Variants in HIVEP3 observed in about 807,000 individuals in gnomAD.
HIVEP3 encodes the protein HIVEP zinc finger 3, also known as transcription factor HIVEP3.
Under a neutral mutation model 152.8 loss-of-function variants are expected in HIVEP3, and 49 were observed. The observed-to-expected ratio is 0.32, with a 90% CI of 0.26 to 0.41. The LOEUF (loss-of-function observed/expected upper bound fraction) is 0.41, where lower values mean the gene tolerates loss of function less well. Ranked by LOEUF, HIVEP3 falls within the 10% of genes least tolerant of loss-of-function variation. The pLI is 1.00. For missense variants in HIVEP3, 2,790 were observed against 3,103.3 expected, an observed-to-expected ratio of 0.90 and a Z score of 2.40; for synonymous variants, 1,269 against 1,289.0, an observed-to-expected ratio of 0.98 and a Z score of 0.33.
intron 1 of HIVEP3, among the ~76,000 whole-genome samples, chr1:41,975,547 T>G (rs1645254547): frequency 6.6e-6 from 1 of 152,262 alleles, no homozygotes; most frequent in South Asian, 2.1e-4. Context: ...ATGAATCTGG[T>G]TTGAATTACA....
chr1:41,653,319 C>T lies in HIVEP3; in HGVS notation c.-720-24372G>A, dbSNP rs185025499. 3.9e-5 allele frequency among the ~76,000 whole-genome samples: 6 copies of T among 152,112 alleles called. No homozygotes were observed. In the East Asian group the frequency reaches 1.2e-3, roughly 29 times the overall value. ...AAGCTGCACACAGTACCCACCTCTACACACACACTCACATTCACAACCCTC... is the reference window on the plus strand; with the variant it reads ...AAGCTGCACACAGTACCCACCTCTATACACACACTCACATTCACAACCCTC... On this transcript the variant is annotated intron_variant, in intron 2 of 8. Transcript: ENST00000372583.
chr1:41,852,683 T>A lies in HIVEP3; in HGVS notation c.-801+65730A>T, dbSNP rs139023945. Among the ~76,000 whole-genome samples, 717 of 152,324 alleles carry A rather than the reference T, an allele frequency of 4.7e-3. 3 individuals are homozygous for A. The highest frequency in any genetic ancestry group is 0.016 in the African/African-American group (680 of 41,572). The stretch of plus-strand genomic sequence containing the variant: ...ACTGCCAATTTCTCATTGACCAAAC[T>A]TTAATGTTCCAGGCAACGAGGCTCT... On this transcript the variant is annotated intron_variant, in intron 1 of 8. Transcript: ENST00000372583.
chr1:41,754,851 A>G lies in HIVEP3; in HGVS notation c.-800-53856T>C, dbSNP rs144713035. Among the ~76,000 whole-genome samples, 112 of 152,348 alleles carry G rather than the reference A, an allele frequency of 7.4e-4. 1 individual carries two copies. In the East Asian group the frequency reaches 0.017, roughly 23 times the overall value. On this transcript the variant is annotated intron_variant, in intron 1 of 8. Coordinates refer to ENST00000372583, the MANE Select transcript of HIVEP3 (RefSeq NM_024503.5). Reference sequence around the variant, plus strand: ...AGATAGGCAAAGATTTTTTAAAATGATAACAGCCGGGGTTGGTGTGGGTGT... The same window carrying G: ...AGATAGGCAAAGATTTTTTAAAATGGTAACAGCCGGGGTTGGTGTGGGTGT...
At chr1:41,549,026 C>T (rs150276523) in intron 5 of HIVEP3, among the ~76,000 whole-genome samples, 1 of 150,846 alleles carries the variant, frequency 6.6e-6, no homozygotes, top group African/African-American at 2.4e-5. Flanking sequence ...CCTCCCCCTG[C>T]CCCCCACCCC....
chr1:41,912,200 T>C (rs1644807044), intron 1 of HIVEP3, among the ~76,000 whole-genome samples: 1 of 152,082 alleles, frequency 6.6e-6, no homozygotes, highest in South Asian at 2.1e-4. Context: ...AGGAATGGGA[T>C]AGGGTGGAGG....
intron 2 of HIVEP3, among the ~76,000 whole-genome samples, chr1:41,637,187 CAT>C (rs1306421210): frequency 6.6e-6 from 1 of 152,180 alleles, no homozygotes; most frequent in Non-Finnish European, 1.5e-5. Flanking sequence ...CATACACACA[CAT>C]GCACACATAG....
chr1:41,588,777 A>G (rs1024209460), intron 3 of HIVEP3, among the ~76,000 whole-genome samples: 3 of 152,150 alleles, frequency 2.0e-5, no homozygotes, highest in African/African-American at 7.2e-5. Context: ...ATTCTGCACA[A>G]CAGGCATCTG....
chr1:41,825,192 C>T (rs566591339), intron 1 of HIVEP3, among the ~76,000 whole-genome samples: 8 of 151,936 alleles, frequency 5.3e-5, no homozygotes, highest in Admixed American at 1.3e-4. Flanking sequence ...GCAATTTTTG[C>T]GGGTAGGGGG....
chr1:41,948,786 G>A (rs1645089137), intron 1 of HIVEP3, among the ~76,000 whole-genome samples: 1 of 151,060 alleles, frequency 6.6e-6, no homozygotes, highest in Non-Finnish European at 1.5e-5. Context: ...GGCATTGATA[G>A]CACCCATCAG....
rs1310206783 is a variant in HIVEP3 at position 41,671,324 on chromosome 1, C to T, written c.-721+29592G>A. On this transcript the variant is annotated intron_variant, in intron 2 of 8. Coordinates refer to ENST00000372583, the MANE Select transcript of HIVEP3 (RefSeq NM_024503.5). Reference sequence around the variant, plus strand: ...ATCCGCTCCGAAGCCTAGATGAAGTCGCAGTTAGCAGCCTAATTTTAGACT... The same window carrying T: ...ATCCGCTCCGAAGCCTAGATGAAGTTGCAGTTAGCAGCCTAATTTTAGACT... Among the ~76,000 whole-genome samples the T allele has an allele frequency of 3.3e-5, 5 of 152,354 alleles. No individual in the cohort carries two copies. In the South Asian group the frequency reaches 6.2e-4, roughly 19 times the overall value.
At chr1:41,642,731 A>G (rs899229375) in intron 2 of HIVEP3, among the ~76,000 whole-genome samples, 2 of 152,212 alleles carry the variant, frequency 1.3e-5, no homozygotes, top group African/African-American at 4.8e-5. Context: ...CTCTCAATTT[A>G]CTAACCCCGT....
At chr1:41,874,574 ACCACCTCCCTCACCGTGG>A (rs1274507222) in intron 1 of HIVEP3, among the ~76,000 whole-genome samples, 1 of 151,968 alleles carries the variant, frequency 6.6e-6, no homozygotes, top group African/African-American at 2.4e-5. Context: ...CAAACTCACC[ACCACCTCCCTCACCGTGG>A]CCTCTCTGTT....
chr1:41,750,736 T>C (rs1235255920), intron 1 of HIVEP3, among the ~76,000 whole-genome samples: 1 of 151,122 alleles, frequency 6.6e-6, no homozygotes, highest in Non-Finnish European at 1.5e-5. Context: ...TCTCGCTCTG[T>C]CGCCCAGGCT....
chr1:41,935,616 C>T (rs1450552297), intron 1 of HIVEP3, among the ~76,000 whole-genome samples: 1 of 151,430 alleles, frequency 6.6e-6, no homozygotes, highest in Non-Finnish European at 1.5e-5. Flanking sequence ...CTCTCTCACT[C>T]TCTCTCTGTA....
At chr1:41,609,598 C>T (rs1644869860) in intron 3 of HIVEP3, among the ~76,000 whole-genome samples, 1 of 152,250 alleles carries the variant, frequency 6.6e-6, no homozygotes, top group Non-Finnish European at 1.5e-5. Flanking sequence ...TGTCTCCAAT[C>T]CATAATGACA....
chr1:41,644,476 G>T (rs1205980514), intron 2 of HIVEP3, among the ~76,000 whole-genome samples: 2 of 152,190 alleles, frequency 1.3e-5, no homozygotes, highest in African/African-American at 4.8e-5. Context: ...CTGTCAGGAG[G>T]TTGATTTCTT....
intron 1 of HIVEP3, among the ~76,000 whole-genome samples, chr1:41,781,005 A>G (rs554580545): frequency 2.0e-5 from 3 of 152,324 alleles, no homozygotes; most frequent in Admixed American, 6.5e-5. Context: ...ATTGTTCGTG[A>G]TTTTGTTAAC....
chr1:41,538,454 T>C (rs1465858092), intron 5 of HIVEP3, among the ~76,000 whole-genome samples: 1 of 152,200 alleles, frequency 6.6e-6, no homozygotes, highest in Non-Finnish European at 1.5e-5. Context: ...TTTTGCAGGC[T>C]TGCTACCTAC....
intron 1 of HIVEP3, among the ~76,000 whole-genome samples, chr1:41,769,338 T>C (rs1039983677): frequency 6.6e-6 from 1 of 152,212 alleles, no homozygotes; most frequent in Non-Finnish European, 1.5e-5. Flanking sequence ...TCATGTAGTA[T>C]ACAATCAAAA....
Sources: allele counts gnomAD v4.1 joint callset (sites outside exome capture counted in the v4.1 genomes callset), GRCh38; gene constraint gnomAD v4.1.1; transcripts MANE v1.5; gene names NCBI Gene and HGNC (gene_info 2026-07-23, HGNC 2026-07-21).